Variants in SPMIP11 observed in about 807,000 individuals in gnomAD.
SPMIP11 encodes sperm microtubule inner protein 11.
At chr12:48,733,859 C>T in the SPMIP11 span, among the ~76,000 whole-genome samples, 4 of 150,220 alleles carry the variant, frequency 2.7e-5, no homozygotes, top group African/African-American at 9.8e-5. Context: ...CAACCTCCAC[C>T]TCCCAGGTTC....
the SPMIP11 span, among the ~76,000 whole-genome samples, chr12:48,756,538 AG>A: frequency 6.6e-6 from 1 of 152,106 alleles, no homozygotes; most frequent in Non-Finnish European, 1.5e-5. Context: ...CAGGAAGAAA[AG>A]AAAAAAGCAG....
At chr12:48,770,858 T>G in the SPMIP11 span, 4 of 1,614,242 alleles carry the variant, frequency 2.5e-6, no homozygotes, top group Non-Finnish European at 3.4e-6. Flanking sequence ...GGCAGTGATG[T>G]GGGAGCGGCC....
the SPMIP11 span, among the ~76,000 whole-genome samples, chr12:48,756,058 T>G: frequency 6.6e-6 from 1 of 151,114 alleles, no homozygotes; most frequent in African/African-American, 2.4e-5. Context: ...TTTTTTTTTG[T>G]ATTTTTAGTA....
chr12:48,738,361 G>T, the SPMIP11 span, among the ~76,000 whole-genome samples: 2 of 151,938 alleles, frequency 1.3e-5, no homozygotes, highest in East Asian at 3.9e-4. Flanking sequence ...GTCAGCAGGG[G>T]CTGTAGCCAT....
chr12:48,764,995 G>T, the SPMIP11 span: 2 of 702,426 alleles, frequency 2.8e-6, no homozygotes, highest in Non-Finnish European at 5.2e-6. Context: ...GCGATGACCA[G>T]GTTAGGCTGG....
the SPMIP11 span, among the ~76,000 whole-genome samples, chr12:48,769,897 G>A: frequency 2.0e-5 from 3 of 151,564 alleles, no homozygotes; most frequent in African/African-American, 7.3e-5. Context: ...GAGTAGCTGG[G>A]ACTATAGGCG....
At chr12:48,768,346 A>C in the SPMIP11 span, 1 of 562,518 alleles carries the variant, frequency 1.8e-6, no homozygotes, top group African/African-American at 1.9e-5. Flanking sequence ...GGAAGATTGG[A>C]GAGGGAACAG....
At chr12:48,744,162 C>T in the SPMIP11 span, among the ~76,000 whole-genome samples, 3 of 150,230 alleles carry the variant, frequency 2.0e-5, no homozygotes, top group Non-Finnish European at 3.0e-5. Flanking sequence ...GCAGGAGAAT[C>T]GCTTGAACCT....
At chr12:48,751,536 G>A in the SPMIP11 span, among the ~76,000 whole-genome samples, 1 of 152,118 alleles carries the variant, frequency 6.6e-6, no homozygotes, top group Non-Finnish European at 1.5e-5. Context: ...AGCCCAGGAG[G>A]TTGAGACTGC....
At chr12:48,757,107 G>A in the SPMIP11 span, among the ~76,000 whole-genome samples, 1 of 152,038 alleles carries the variant, frequency 6.6e-6, no homozygotes, top group Non-Finnish European at 1.5e-5. Context: ...ATTTGAGACT[G>A]GCTGGAGGAG....
At chr12:48,759,621 G>A in the SPMIP11 span, among the ~76,000 whole-genome samples, 1 of 150,192 alleles carries the variant, frequency 6.7e-6, no homozygotes, top group Non-Finnish European at 1.5e-5. Flanking sequence ...CGTGAGCCAA[G>A]ATCGTGCCAC....
chr12:48,739,044 T>G, the SPMIP11 span, among the ~76,000 whole-genome samples: 2 of 152,180 alleles, frequency 1.3e-5, no homozygotes, highest in African/African-American at 4.8e-5. Flanking sequence ...ATATTTTCTG[T>G]CTTTTCTCCA....
At chr12:48,727,861 G>T in the SPMIP11 span, among the ~76,000 whole-genome samples, 1 of 152,018 alleles carries the variant, frequency 6.6e-6, no homozygotes, top group Non-Finnish European at 1.5e-5. Context: ...ACCAGCCTGG[G>T]CAACATAGTA....
chr12:48,750,939 C>T, the SPMIP11 span, among the ~76,000 whole-genome samples: 3 of 152,170 alleles, frequency 2.0e-5, no homozygotes, highest in Non-Finnish European at 2.9e-5. Flanking sequence ...TCAAATCAGC[C>T]ACATTCCTTG....
the SPMIP11 span, chr12:48,727,515 A>G: frequency 1.4e-6 from 1 of 703,020 alleles, no homozygotes. Flanking sequence ...TTGGGATATC[A>G]AAATTCCTTT....
chr12:48,751,786 G>A, the SPMIP11 span, among the ~76,000 whole-genome samples: 1 of 152,008 alleles, frequency 6.6e-6, no homozygotes, highest in South Asian at 2.1e-4. Flanking sequence ...TTGTGGAGAG[G>A]CCGGGTGCGG....
chr12:48,768,193 A>G, the SPMIP11 span: 2 of 270,590 alleles, frequency 7.4e-6, no homozygotes, highest in Non-Finnish European at 1.4e-5. Flanking sequence ...CCCAGGAAAA[A>G]AGAGGGAAAA....
chr12:48,734,113 T>G, the SPMIP11 span, among the ~76,000 whole-genome samples: 2 of 151,880 alleles, frequency 1.3e-5, no homozygotes, highest in Non-Finnish European at 2.9e-5. Context: ...GGGTGTTTTT[T>G]GTTTGTTTAG....
the SPMIP11 span, among the ~76,000 whole-genome samples, chr12:48,729,723 A>G: frequency 6.6e-6 from 1 of 151,764 alleles, no homozygotes; most frequent in East Asian, 1.9e-4. Flanking sequence ...AAAAAAAAAA[A>G]AAAAGATTGT....
Sources: gnomAD v4.1 joint callset for allele counts (sites outside exome capture counted in the v4.1 genomes callset) on GRCh38, gnomAD v4.1.1 for gene constraint, MANE v1.5 for transcripts, NCBI Gene and HGNC (gene_info 2026-07-23, HGNC 2026-07-21) for gene names.